Variants in FANCC observed in about 807,000 individuals in gnomAD.
FANCC encodes FA complementation group C.
Under a neutral mutation model 71.3 loss-of-function variants are expected in FANCC, and 55 were observed. That is an observed-to-expected ratio of 0.77 (90% CI 0.62 to 0.97). The LOEUF (loss-of-function observed/expected upper bound fraction) is 0.97. Among genes scored for constraint, FANCC ranks in the 50% least tolerant of loss-of-function variants. FANCC has a pLI of 0.00. For missense variants in FANCC, 678 were observed against 670.9 expected (o/e 1.01, Z -0.12); for synonymous variants, 275 against 244.9 (o/e 1.12, Z -1.15).
intron 14 of FANCC, among the ~76,000 whole-genome samples, chr9:95,105,158 CA>C (rs375112774): frequency 6.6e-6 from 1 of 152,348 alleles, no homozygotes; most frequent in East Asian, 1.9e-4. Context: ...TTAGCTGAGA[CA>C]CCAGCACCTG....
At chr9:95,124,057 T>A (rs1326686848) in intron 10 of FANCC, among the ~76,000 whole-genome samples, 2 of 127,886 alleles carry the variant, frequency 1.6e-5, no homozygotes, top group Admixed American at 2.0e-4. Flanking sequence ...TAAACTGAGA[T>A]CACATCACTG....
At chr9:95,250,019 C>T (rs1196620753) in intron 1 of FANCC, among the ~76,000 whole-genome samples, 4 of 152,184 alleles carry the variant, frequency 2.6e-5, no homozygotes, top group Non-Finnish European at 4.4e-5. Context: ...ATTCCACTTA[C>T]TGAGGAGGTA....
At chr9:95,137,198 C>G (rs1043224540) in intron 7 of FANCC, among the ~76,000 whole-genome samples, 8 of 152,172 alleles carry the variant, frequency 5.3e-5, no homozygotes, top group Non-Finnish European at 1.2e-4. Flanking sequence ...TGAAGCCCAG[C>G]AACTGGGTCC....
intron 4 of FANCC, among the ~76,000 whole-genome samples, chr9:95,189,408 C>T (rs909473110): frequency 6.6e-6 from 1 of 152,122 alleles, no homozygotes; most frequent in Non-Finnish European, 1.5e-5. Flanking sequence ...TAGCCTATTC[C>T]GTGAGCAGGA....
At chr9:95,226,870 T>A (rs1456853748) in intron 4 of FANCC, among the ~76,000 whole-genome samples, 1 of 152,108 alleles carries the variant, frequency 6.6e-6, no homozygotes, top group African/African-American at 2.4e-5. Flanking sequence ...CATCCCATAG[T>A]GGCCACATCT....
At chr9:95,257,252 A>G (rs1310918805) in intron 1 of FANCC, among the ~76,000 whole-genome samples, 3 of 152,178 alleles carry the variant, frequency 2.0e-5, no homozygotes, top group Non-Finnish European at 4.4e-5. Context: ...GAACCACATC[A>G]CACTTCTGTT....
chr9:95,231,631 G>A (rs537902509), intron 4 of FANCC, among the ~76,000 whole-genome samples: 8 of 152,238 alleles, frequency 5.3e-5, no homozygotes, highest in East Asian at 3.9e-4. Flanking sequence ...AAAGAACCCC[G>A]TCCTTAGCTG....
intron 1 of FANCC, among the ~76,000 whole-genome samples, chr9:95,304,229 G>A (rs762452087): frequency 1.3e-5 from 2 of 152,106 alleles, no homozygotes; most frequent in East Asian, 1.9e-4. Flanking sequence ...CAAGAGGAGG[G>A]AGAAAACAAA....
intron 1 of FANCC, among the ~76,000 whole-genome samples, chr9:95,251,559 G>A (rs897434966): frequency 5.9e-5 from 9 of 151,844 alleles, no homozygotes; most frequent in Non-Finnish European, 8.8e-5. Context: ...CAAGTGATCC[G>A]CCCTCCTCTG....
At chr9:95,208,076 C>A (rs796225392) in intron 4 of FANCC, among the ~76,000 whole-genome samples, 2 of 117,492 alleles carry the variant, frequency 1.7e-5, no homozygotes, top group South Asian at 5.5e-4. Context: ...AATCCAGAAG[C>A]CTTTTTTTTT....
At chr9:95,185,136 TG>T (rs988073001) in intron 4 of FANCC, among the ~76,000 whole-genome samples, 3 of 152,240 alleles carry the variant, frequency 2.0e-5, no homozygotes, top group African/African-American at 7.2e-5. Context: ...ATAAATTGCT[TG>T]AAAAGGTATT....
At chr9:95,222,257 TAAAC>T (rs1829327577) in intron 4 of FANCC, among the ~76,000 whole-genome samples, 1 of 148,178 alleles carries the variant, frequency 6.7e-6, no homozygotes, top group South Asian at 2.2e-4. Context: ...AATGAACAGA[TAAAC>T]AAACTGGTAT....
chr9:95,206,547 G>A (rs1443078953), intron 4 of FANCC, among the ~76,000 whole-genome samples: 2 of 152,046 alleles, frequency 1.3e-5, no homozygotes, highest in East Asian at 1.9e-4. Flanking sequence ...TTAACATTAC[G>A]CTTTCAATTT....
intron 4 of FANCC, among the ~76,000 whole-genome samples, chr9:95,193,833 G>C (rs1002767113): frequency 6.6e-6 from 1 of 152,202 alleles, no homozygotes; most frequent in Non-Finnish European, 1.5e-5. Context: ...AAAAGAGGGA[G>C]AACTCAGAGC....
intron 1 of FANCC, among the ~76,000 whole-genome samples, chr9:95,250,152 G>C (rs1243280812): frequency 6.6e-6 from 1 of 152,118 alleles, no homozygotes; most frequent in Non-Finnish European, 1.5e-5. Flanking sequence ...AGCGGCTCCA[G>C]CTGCCCCTCC....
At chr9:95,253,158 T>A (rs1023640837) in intron 1 of FANCC, among the ~76,000 whole-genome samples, 3 of 152,184 alleles carry the variant, frequency 2.0e-5, no homozygotes, top group Admixed American at 1.3e-4. Flanking sequence ...AGTGCACTGA[T>A]CCTCAATATG....
chr9:95,235,435 C>T lies in FANCC; in HGVS notation c.345+5214G>A, dbSNP rs893224029. ...AAATGGACTACTTACCACCTTACAC[C>T]ACACCATAAGTTACAGGTGGATCAC... On this transcript the variant is annotated intron_variant, in intron 4 of 14. Coordinates refer to ENST00000289081, the MANE Select transcript of FANCC (RefSeq NM_000136.3). 2.6e-5 allele frequency among the ~76,000 whole-genome samples: 4 copies of T among 152,190 alleles called. 1 individual carries two copies. Among genetic ancestry groups the T allele is most frequent in the African/African-American group, 7.2e-5 (3 of 41,428 alleles).
chr9:95,292,785 C>G (rs569130619), intron 1 of FANCC: 7 of 1,532,918 alleles, frequency 4.6e-6, no homozygotes, highest in Admixed American at 1.7e-5. Context: ...TCAGTTTTCT[C>G]TCGTAAAACA....
intron 10 of FANCC, among the ~76,000 whole-genome samples, chr9:95,124,381 G>A (rs1825644513): frequency 6.6e-6 from 1 of 152,178 alleles, no homozygotes; most frequent in Admixed American, 6.5e-5. Flanking sequence ...AAAGCTCGCT[G>A]GTAGCAAAGG....
Sources: gnomAD v4.1 joint callset for allele counts (sites outside exome capture counted in the v4.1 genomes callset) on GRCh38, gnomAD v4.1.1 for gene constraint, MANE v1.5 for transcripts, NCBI Gene and HGNC (gene_info 2026-07-23, HGNC 2026-07-21) for gene names.